FOXP1: variants seen among roughly 807,000 people sequenced by gnomAD.
The protein encoded by FOXP1 is forkhead box protein P1.
In FOXP1, 15 loss-of-function variants were observed where a neutral mutation model predicts 98.2. That is an observed-to-expected ratio of 0.15 (90% CI 0.10 to 0.24). The LOEUF is 0.24. Ranked by LOEUF, FOXP1 falls within the 10% of genes least tolerant of loss-of-function variation. The pLI, the probability that FOXP1 is intolerant of heterozygous loss-of-function variation, is 1.00. For synonymous variants in FOXP1, 371 were observed against 314.5 expected, an observed-to-expected ratio of 1.18 and a Z score of -1.90; for missense variants, 633 against 848.5, an observed-to-expected ratio of 0.75 and a Z score of 3.15.
chr3:71,115,482 G>A (rs1344414911), intron 6 of FOXP1, among the ~76,000 whole-genome samples: 1 of 148,736 alleles, frequency 6.7e-6, no homozygotes, highest in Admixed American at 6.7e-5. Flanking sequence ...GACTACAGAC[G>A]TGTGCCACCA....
chr3:71,190,209 G>T (rs959881721), intron 6 of FOXP1, among the ~76,000 whole-genome samples: 2 of 152,062 alleles, frequency 1.3e-5, no homozygotes, highest in Non-Finnish European at 2.9e-5. Flanking sequence ...TATTCTTCGG[G>T]ATCTAGCTAA....
chr3:71,169,851 TAAG>T (rs988415304), intron 6 of FOXP1, among the ~76,000 whole-genome samples: 2 of 151,918 alleles, frequency 1.3e-5, no homozygotes, highest in African/African-American at 2.4e-5. Context: ...AAAGAGTAGA[TAAG>T]AAGAAGGCTC....
chr3:71,422,016 C>T (rs963528229), intron 3 of FOXP1, among the ~76,000 whole-genome samples: 1 of 152,184 alleles, frequency 6.6e-6, no homozygotes, highest in South Asian at 2.1e-4. Context: ...CCCAGCCCAA[C>T]TTTTTAAGAC....
intron 7 of FOXP1, among the ~76,000 whole-genome samples, chr3:71,088,367 CACA>C (rs1242014618): frequency 6.6e-6 from 1 of 151,820 alleles, no homozygotes; most frequent in Non-Finnish European, 1.5e-5. Context: ...TTCATCGTCA[CACA>C]ACATGTGGTG....
At chr3:71,231,553 T>G (rs996905294) in intron 5 of FOXP1, among the ~76,000 whole-genome samples, 7 of 152,224 alleles carry the variant, frequency 4.6e-5, no homozygotes, top group Non-Finnish European at 7.3e-5. Flanking sequence ...AGTGGTTATT[T>G]TGGAGAAACT....
At chr3:71,459,940 T>C (rs2087871055) in intron 3 of FOXP1, among the ~76,000 whole-genome samples, 1 of 151,230 alleles carries the variant, frequency 6.6e-6, no homozygotes, top group South Asian at 2.1e-4. Flanking sequence ...TCTTTTTTTT[T>C]TTTCTTTTTT....
intron 4 of FOXP1, among the ~76,000 whole-genome samples, chr3:71,356,368 G>C (rs1004251879): frequency 6.6e-6 from 1 of 152,134 alleles, no homozygotes; most frequent in Non-Finnish European, 1.5e-5. Flanking sequence ...AGCAGGACAA[G>C]CTCCCAAGGC....
intron 18 of FOXP1, 91 bp from the exon 19 acceptor site, chr3:70,970,896 C>G (rs2036085968): frequency 2.1e-6 from 2 of 971,518 alleles, no homozygotes; most frequent in Non-Finnish European, 3.3e-6. Context: ...TGGTGCCCTT[C>G]CAAATGAGCA....
Position 71,442,689 on chromosome 3 carries a change from C to T in FOXP1, c.-168+50737G>A, listed in dbSNP as rs910912974. On this transcript the variant is annotated intron_variant, in intron 3 of 20. Transcript: ENST00000649528. ...TTGTTTTTGTTTTTTTGACAACAATCACAGTCACTCCCACGTCTGGATTTG... is the reference window on the plus strand; with the variant it reads ...TTGTTTTTGTTTTTTTGACAACAATTACAGTCACTCCCACGTCTGGATTTG... Among the ~76,000 whole-genome samples, 7 of 152,164 alleles carry T rather than the reference C, an allele frequency of 4.6e-5. No homozygotes were observed. In the South Asian group the frequency reaches 8.3e-4, roughly 18 times the overall value.
rs565263633 is a variant in FOXP1, at chr3:71,551,285, A to G, written c.-298+30264T>C. On this transcript the variant is annotated intron_variant, in intron 2 of 20. Transcript: ENST00000649528. ...AAGACATTTATAAAAGTGTGCTATA[A>G]AACAAAATGACATAAATTACAGGAT... 3.3e-5 allele frequency among the ~76,000 whole-genome samples: 5 copies of G among 152,362 alleles called. No individual in the cohort carries two copies. In the South Asian group the frequency reaches 6.2e-4, roughly 19 times the overall value.
At chr3:71,491,048 C>T (rs901163221) in intron 3 of FOXP1, among the ~76,000 whole-genome samples, 5 of 152,138 alleles carry the variant, frequency 3.3e-5, no homozygotes, top group Non-Finnish European at 5.9e-5. Context: ...CGGAGTCTCA[C>T]TTTCTCAACC....
intron 2 of FOXP1, among the ~76,000 whole-genome samples, chr3:71,519,564 G>T (rs1213737844): frequency 6.6e-6 from 1 of 152,084 alleles, no homozygotes; most frequent in African/African-American, 2.4e-5. Flanking sequence ...ACTTTCCTGG[G>T]CATTGTCTTC....
chr3:71,344,280 T>C (rs995476205), intron 4 of FOXP1, among the ~76,000 whole-genome samples: 10 of 152,240 alleles, frequency 6.6e-5, no homozygotes, highest in Non-Finnish European at 1.0e-4. Flanking sequence ...ACTTTGAGAA[T>C]AGTTGAATGG....
chr3:71,505,307 T>C (rs1433047628), intron 2 of FOXP1, among the ~76,000 whole-genome samples: 1 of 151,888 alleles, frequency 6.6e-6, no homozygotes, highest in Non-Finnish European at 1.5e-5. Flanking sequence ...GTAGTGCAGC[T>C]TGGAAATGAG....
chr3:71,157,474 G>C (rs1333033716), intron 6 of FOXP1, among the ~76,000 whole-genome samples: 1 of 152,206 alleles, frequency 6.6e-6, no homozygotes, highest in Non-Finnish European at 1.5e-5. Context: ...ACAAAAAGGT[G>C]AAAATTAAAG....
intron 5 of FOXP1, among the ~76,000 whole-genome samples, chr3:71,276,979 G>A (rs1247161930): frequency 1.5e-5 from 2 of 135,254 alleles, no homozygotes; most frequent in African/African-American, 5.7e-5. Flanking sequence ...TTTTTTTAGA[G>A]ACGGAGTCTC....
chr3:70,992,398 C>CT (rs2040742438), intron 13 of FOXP1, among the ~76,000 whole-genome samples: 1 of 152,090 alleles, frequency 6.6e-6, no homozygotes. Context: ...ACACAGGTCT[C>CT]TGACGTACAT....
At chr3:71,341,833 TC>T (rs1188453553) in intron 4 of FOXP1, among the ~76,000 whole-genome samples, 1 of 152,248 alleles carries the variant, frequency 6.6e-6, no homozygotes, top group African/African-American at 2.4e-5. Context: ...TCTACAGCAA[TC>T]ATTTTCACTC....
chr3:71,106,588 T>G (rs2057446482), intron 7 of FOXP1, among the ~76,000 whole-genome samples: 1 of 151,698 alleles, frequency 6.6e-6, no homozygotes, highest in Non-Finnish European at 1.5e-5. Context: ...CTTCTCAAAG[T>G]GCTGGGGTTA....
Sources: gnomAD v4.1 joint callset for allele counts (sites outside exome capture counted in the v4.1 genomes callset) on GRCh38, gnomAD v4.1.1 for gene constraint, MANE v1.5 for transcripts, NCBI Gene and HGNC (gene_info 2026-07-23, HGNC 2026-07-21) for gene names.